Variants in FUT8 observed in about 807,000 individuals in gnomAD.
FUT8 encodes the protein fucosyltransferase 8, also known as alpha-(1,6)-fucosyltransferase.
FUT8 carries 29 observed loss-of-function variants against 71.3 expected under a neutral mutation model. The observed-to-expected ratio is 0.41, with a 90% CI of 0.30 to 0.55. The LOEUF is 0.55. Among genes scored for constraint, FUT8 ranks in the 20% least tolerant of loss-of-function variants. FUT8 has a pLI of 0.34. For synonymous variants in FUT8, 254 were observed against 239.3 expected (o/e 1.06, Z -0.57); for missense variants, 544 against 702.1 (o/e 0.77, Z 2.55).
At chr14:65,365,704 G>A in the FUT8 span, among the ~76,000 whole-genome samples, 3 of 152,296 alleles carry the variant, frequency 2.0e-5, no homozygotes, top group South Asian at 6.2e-4. Flanking sequence ...TTGCCCTATA[G>A]GGTCTGAAAA....
chr14:65,542,643 C>T (rs1276111198), intron 2 of FUT8, among the ~76,000 whole-genome samples: 5 of 152,136 alleles, frequency 3.3e-5, no homozygotes, highest in Non-Finnish European at 2.9e-5. Flanking sequence ...ATGTTTACTG[C>T]ACTTTTGAAT....
At chr14:65,717,514 C>CTTCTTTGT (rs1895177326) in intron 7 of FUT8, among the ~76,000 whole-genome samples, 1 of 138,278 alleles carries the variant, frequency 7.2e-6, no homozygotes. Flanking sequence ...TCCTCACCTC[C>CTTCTTTGT]CAGACGAAGG....
At chr14:65,527,539 C>T (rs753855662) in intron 2 of FUT8, among the ~76,000 whole-genome samples, 3 of 152,104 alleles carry the variant, frequency 2.0e-5, no homozygotes, top group Non-Finnish European at 2.9e-5. Flanking sequence ...GAAGTTTGAT[C>T]GTCTGAAGCC....
chr14:65,496,624 T>G (rs969412775), intron 2 of FUT8, among the ~76,000 whole-genome samples: 3 of 152,164 alleles, frequency 2.0e-5, no homozygotes, highest in African/African-American at 7.2e-5. Context: ...AAGACATGCC[T>G]CTTCCCCTTC....
chr14:65,415,328 T>C (rs1328293344), intron 1 of FUT8, among the ~76,000 whole-genome samples: 1 of 152,180 alleles, frequency 6.6e-6, no homozygotes, highest in Non-Finnish European at 1.5e-5. Flanking sequence ...TACATAGTTA[T>C]TTGTGGAGTG....
chr14:65,392,204 T>A, the FUT8 span, among the ~76,000 whole-genome samples: 2 of 152,210 alleles, frequency 1.3e-5, no homozygotes, highest in Non-Finnish European at 2.9e-5. Flanking sequence ...AGTGCTGGGA[T>A]TACAGGCATG....
chr14:65,711,431 C>G (rs1894807688), intron 7 of FUT8, among the ~76,000 whole-genome samples: 1 of 152,126 alleles, frequency 6.6e-6, no homozygotes, highest in African/African-American at 2.4e-5. Flanking sequence ...TTTGCTTTTA[C>G]TTACAGGAAG....
the FUT8 span, among the ~76,000 whole-genome samples, chr14:65,369,934 A>T: frequency 8.5e-5 from 13 of 152,122 alleles, no homozygotes; most frequent in African/African-American, 2.9e-4. This position sits in a 1 kb window ranked among gnomAD's most constrained non-coding sequence, Gnocchi z 4.6. Flanking sequence ...GACTCGCCCC[A>T]AATTCTTTCT....
chr14:65,712,007 G>A (rs994760842), intron 7 of FUT8, among the ~76,000 whole-genome samples: 3 of 152,044 alleles, frequency 2.0e-5, no homozygotes, highest in African/African-American at 4.8e-5. Flanking sequence ...ACATATTCTA[G>A]GTTTATTCTT....
intron 3 of FUT8, among the ~76,000 whole-genome samples, chr14:65,615,420 AT>A (rs1889229524): frequency 6.6e-6 from 1 of 152,102 alleles, no homozygotes; most frequent in African/African-American, 2.4e-5. Context: ...TTTTTTTCTA[AT>A]ATGTTTTATC....
intron 3 of FUT8, among the ~76,000 whole-genome samples, chr14:65,584,939 T>C (rs1024496794): frequency 1.3e-5 from 2 of 152,232 alleles, no homozygotes; most frequent in African/African-American, 4.8e-5. Context: ...TTTCTTAAAA[T>C]AAGACAATAG....
At chr14:65,628,807 G>A (rs1890025341) in intron 5 of FUT8, among the ~76,000 whole-genome samples, 1 of 152,152 alleles carries the variant, frequency 6.6e-6, no homozygotes, top group African/African-American at 2.4e-5. Flanking sequence ...GTTTAGACCA[G>A]GACTCAGCAA....
intron 2 of FUT8, among the ~76,000 whole-genome samples, chr14:65,549,234 A>G (rs1286589149): frequency 6.6e-6 from 1 of 152,138 alleles, no homozygotes; most frequent in Non-Finnish European, 1.5e-5. Flanking sequence ...ATTTGACCCA[A>G]GTTAGCTGAA....
chr14:65,433,831 A>G (rs1245705913), intron 1 of FUT8, among the ~76,000 whole-genome samples: 1 of 135,466 alleles, frequency 7.4e-6, no homozygotes, highest in East Asian at 2.6e-4. Context: ...TGTGTTGCCC[A>G]GGTTGGAACA....
chr14:65,644,116 G>A (rs978803793), intron 6 of FUT8, among the ~76,000 whole-genome samples: 2 of 152,134 alleles, frequency 1.3e-5, no homozygotes, highest in African/African-American at 4.8e-5. Flanking sequence ...TTCCAGCGAA[G>A]CAAGAATTAG....
intron 6 of FUT8, among the ~76,000 whole-genome samples, chr14:65,641,452 T>C (rs1227647940): frequency 2.6e-5 from 4 of 152,246 alleles, no homozygotes; most frequent in Admixed American, 6.5e-5. Context: ...GGGGCTGTTA[T>C]AAATAAACTG....
At chr14:65,517,373 T>C (rs527715773) in intron 2 of FUT8, among the ~76,000 whole-genome samples, 2 of 152,274 alleles carry the variant, frequency 1.3e-5, no homozygotes, top group East Asian at 3.9e-4. Flanking sequence ...AACTATTGTT[T>C]TAAAGAATTT....
chr14:65,499,033 A>G (rs984600872), intron 2 of FUT8, among the ~76,000 whole-genome samples: 5 of 152,198 alleles, frequency 3.3e-5, no homozygotes, highest in African/African-American at 9.7e-5. Flanking sequence ...GTCTCCCAAC[A>G]TAGGATTTCA....
rs1340216746 is a variant in FUT8, at chr14:65,669,005, ATAG to A, written c.598-234_598-232del. Among the ~76,000 whole-genome samples the A allele has an allele frequency of 8.5e-5, 13 of 152,104 alleles. No homozygotes were observed. The highest frequency in any genetic ancestry group is 3.1e-4 in the African/African-American group (13 of 41,418). On this transcript the variant is annotated intron_variant, in intron 6 of 10. Coordinates refer to ENST00000673929, the MANE Select transcript of FUT8 (RefSeq NM_001371533.1). This position sits in a 1 kb window ranked among gnomAD's most constrained non-coding sequence, Gnocchi z 4.5. ...AGTACATATAGACACAAATAAGAGA[ATAG>A]TAGACACTGGGGCCTACTTGAGGGT... is the stretch of plus-strand genomic sequence containing the variant.
Sources: allele counts gnomAD v4.1 joint callset (sites outside exome capture counted in the v4.1 genomes callset), GRCh38; gene constraint gnomAD v4.1.1; non-coding constraint Gnocchi (gnomAD v3.1); transcripts MANE v1.5; gene names NCBI Gene and HGNC (gene_info 2026-07-23, HGNC 2026-07-21).